The following SLC24A2 variants were observed in gnomAD, a reference collection of about 807,000 sequenced individuals.
SLC24A2 encodes sodium/potassium/calcium exchanger 2.
SLC24A2 carries 36 observed loss-of-function variants against 62.0 expected under a neutral mutation model. That is an observed-to-expected ratio of 0.58 (90% CI 0.44 to 0.77). The LOEUF (loss-of-function observed/expected upper bound fraction) is 0.77, where lower values mean the gene tolerates loss of function less well. Ranked by LOEUF, SLC24A2 falls within the 30% of genes least tolerant of loss-of-function variation. SLC24A2 has a pLI of 0.00. For missense variants in SLC24A2, 846 were observed against 817.9 expected (o/e 1.03, Z -0.42); for synonymous variants, 358 against 294.0 (o/e 1.22, Z -2.23).
At chr9:19,568,111 CT>C (rs1835729963) in intron 7 of SLC24A2, among the ~76,000 whole-genome samples, 1 of 152,138 alleles carries the variant, frequency 6.6e-6, no homozygotes, top group African/African-American at 2.4e-5. Context: ...CTTAACGGAA[CT>C]TGCTAAAAAT....
intron 5 of SLC24A2, among the ~76,000 whole-genome samples, chr9:19,578,382 C>G (rs997911715): frequency 1.5e-5 from 2 of 131,608 alleles, no homozygotes; most frequent in African/African-American, 2.9e-5. Context: ...AAAAAGCAAG[C>G]AAAAGTGCAG....
the SLC24A2 span, among the ~76,000 whole-genome samples, chr9:20,112,747 G>A: frequency 6.6e-6 from 1 of 152,022 alleles, no homozygotes; most frequent in Admixed American, 6.6e-5. Flanking sequence ...CCGAGAGGTG[G>A]CTTGTCTGAA....
At chr9:19,941,771 G>C in the SLC24A2 span, among the ~76,000 whole-genome samples, 13 of 152,044 alleles carry the variant, frequency 8.6e-5, no homozygotes, top group African/African-American at 3.1e-4. Context: ...CACGATACTG[G>C]ATTATTAGAT....
At chr9:20,024,628 A>T in the SLC24A2 span, among the ~76,000 whole-genome samples, 1 of 152,184 alleles carries the variant, frequency 6.6e-6, no homozygotes, top group African/African-American at 2.4e-5. Flanking sequence ...GATAAGAAAG[A>T]CTTAAAGTTT....
chr9:19,847,997 C>A, the SLC24A2 span, among the ~76,000 whole-genome samples: 1 of 152,186 alleles, frequency 6.6e-6, no homozygotes, highest in Non-Finnish European at 1.5e-5. Flanking sequence ...TCTTTTTCAA[C>A]AGGAAGCTAC....
the SLC24A2 span, among the ~76,000 whole-genome samples, chr9:20,269,651 G>C: frequency 3.9e-5 from 6 of 152,230 alleles, no homozygotes; most frequent in East Asian, 9.6e-4. Flanking sequence ...CCAAGGAGAA[G>C]TACAACCTGC....
chr9:19,762,960 GT>G (rs1192623619), intron 2 of SLC24A2, among the ~76,000 whole-genome samples: 2 of 152,186 alleles, frequency 1.3e-5, no homozygotes, highest in African/African-American at 2.4e-5. Flanking sequence ...AGCACGGAAT[GT>G]TTTTCCCATT....
chr9:19,743,608 T>C (rs1821744178), intron 2 of SLC24A2, among the ~76,000 whole-genome samples: 1 of 152,068 alleles, frequency 6.6e-6, no homozygotes, highest in Admixed American at 6.6e-5. Flanking sequence ...GAGAGAAAGA[T>C]TTTGCATTCT....
chr9:19,937,602 A>C, the SLC24A2 span, among the ~76,000 whole-genome samples: 6 of 152,356 alleles, frequency 3.9e-5, no homozygotes, highest in African/African-American at 1.4e-4. Flanking sequence ...GTTTAAAACT[A>C]TACTTTCTAA....
chr9:20,071,293 G>C, the SLC24A2 span, among the ~76,000 whole-genome samples: 2 of 152,302 alleles, frequency 1.3e-5, no homozygotes, highest in South Asian at 2.1e-4. Flanking sequence ...GCCTTGAGCA[G>C]ACAGAACTGA....
At chr9:19,533,253 C>A (rs1167554559) in intron 8 of SLC24A2, among the ~76,000 whole-genome samples, 1 of 152,188 alleles carries the variant, frequency 6.6e-6, no homozygotes, top group Non-Finnish European at 1.5e-5. Flanking sequence ...AGAGGCAGAG[C>A]TGCCAGGCCC....
chr9:20,032,711 G>A, the SLC24A2 span, among the ~76,000 whole-genome samples: 22 of 152,254 alleles, frequency 1.4e-4, no homozygotes, highest in East Asian at 7.7e-4. Context: ...ATTATTTATC[G>A]TAGAAAGCAT....
the SLC24A2 span, among the ~76,000 whole-genome samples, chr9:19,918,301 A>T: frequency 6.8e-6 from 1 of 147,404 alleles, no homozygotes; most frequent in Non-Finnish European, 1.5e-5. Context: ...AGCACTTCTC[A>T]TTGTTATATT....
At chr9:20,110,703 ATTATT>A in the SLC24A2 span, among the ~76,000 whole-genome samples, 77 of 152,242 alleles carry the variant, frequency 5.1e-4, no homozygotes, top group African/African-American at 1.8e-3. Flanking sequence ...TAAATTTTAA[ATTATT>A]TTAAGGGAAG....
the SLC24A2 span, among the ~76,000 whole-genome samples, chr9:20,033,105 C>T: frequency 6.6e-6 from 1 of 152,134 alleles, no homozygotes; most frequent in African/African-American, 2.4e-5. Flanking sequence ...TAGAAATCTG[C>T]ATCTTAAATA....
chr9:20,124,596 G>A, the SLC24A2 span, among the ~76,000 whole-genome samples: 1 of 152,080 alleles, frequency 6.6e-6, no homozygotes, highest in South Asian at 2.1e-4. Context: ...CGTACCTAGT[G>A]CCTTCATGCT....
At chr9:20,264,971 A>G in the SLC24A2 span, among the ~76,000 whole-genome samples, 3 of 152,226 alleles carry the variant, frequency 2.0e-5, no homozygotes, top group African/African-American at 7.2e-5. Context: ...ACAGAGGCCT[A>G]TCTAGGATTC....
intron 2 of SLC24A2, among the ~76,000 whole-genome samples, chr9:19,704,991 C>G (rs1258944713): frequency 1.3e-5 from 2 of 152,108 alleles, no homozygotes; most frequent in Non-Finnish European, 2.9e-5. Flanking sequence ...GAGGACCCAG[C>G]TGCTTTGTCA....
At chr9:20,114,648 T>C in the SLC24A2 span, among the ~76,000 whole-genome samples, 1 of 152,126 alleles carries the variant, frequency 6.6e-6, no homozygotes, top group African/African-American at 2.4e-5. Flanking sequence ...TATTCATTCA[T>C]TCATAAATAT....
Sources: allele counts gnomAD v4.1 joint callset (sites outside exome capture counted in the v4.1 genomes callset), GRCh38; gene constraint gnomAD v4.1.1; transcripts MANE v1.5; gene names NCBI Gene and HGNC (gene_info 2026-07-23, HGNC 2026-07-21).